The following ZFPM2 variants were observed in gnomAD, a reference collection of about 807,000 sequenced individuals.
The protein encoded by ZFPM2 is zinc finger protein, FOG family member 2.
In ZFPM2, 20 loss-of-function variants were observed where a neutral mutation model predicts 98.6. That is an observed-to-expected ratio of 0.20 (90% confidence interval 0.14 to 0.29). ZFPM2 has a LOEUF of 0.29. Among genes scored for constraint, ZFPM2 ranks in the 10% least tolerant of loss-of-function variants. The probability of loss-of-function intolerance (pLI) is 1.00; values close to 1 mark genes in which losing one functional copy is unlikely to be tolerated. For synonymous variants in ZFPM2, 518 were observed against 502.7 expected (o/e 1.03, Z -0.41); for missense variants, 1,310 against 1,388.6 (o/e 0.94, Z 0.90).
At chr8:105,636,637 G>A (rs140288135) in intron 5 of ZFPM2, among the ~76,000 whole-genome samples, 5 of 152,132 alleles carry the variant, frequency 3.3e-5, no homozygotes, top group East Asian at 1.9e-4. Context: ...TCTATTCCTG[G>A]TCTGGCATGC....
intron 4 of ZFPM2, among the ~76,000 whole-genome samples, chr8:105,613,673 A>C (rs1187928321): frequency 6.6e-6 from 1 of 152,104 alleles, no homozygotes; most frequent in Admixed American, 6.6e-5. Context: ...GGACCCATTC[A>C]CTTTCAGGTT....
At chr8:105,708,768 A>G (rs867782527) in intron 5 of ZFPM2, among the ~76,000 whole-genome samples, 102 of 152,244 alleles carry the variant, frequency 6.7e-4, no homozygotes, top group African/African-American at 2.3e-3. Context: ...AAGAGTTTTT[A>G]TATCCATTTT....
chr8:105,356,004 T>G (rs1812740148), intron 1 of ZFPM2, among the ~76,000 whole-genome samples: 1 of 152,228 alleles, frequency 6.6e-6, no homozygotes, highest in East Asian at 1.9e-4. Flanking sequence ...TTTTCTCTCC[T>G]GTAATCAACA....
intron 5 of ZFPM2, among the ~76,000 whole-genome samples, chr8:105,778,809 T>G (rs1813171448): frequency 6.6e-6 from 1 of 152,156 alleles, no homozygotes; most frequent in Admixed American, 6.5e-5. Context: ...TATGCATAAT[T>G]ACTTTTTCTC....
intron 5 of ZFPM2, among the ~76,000 whole-genome samples, chr8:105,671,408 T>C: frequency 6.6e-6 from 1 of 152,056 alleles, no homozygotes; most frequent in East Asian, 1.9e-4. Flanking sequence ...AATATATCAA[T>C]TTAAACTAAT....
intron 1 of ZFPM2, 88 bp from the exon 2 acceptor site, chr8:105,419,056 C>G (rs1273867736): frequency 7.7e-7 from 1 of 1,294,510 alleles, no homozygotes; most frequent in Non-Finnish European, 1.1e-6. Flanking sequence ...TTTCTCACCA[C>G]TGTAACAAAA....
Position 105,801,358 on chromosome 8 carries a change from G to C in ZFPM2, c.1276G>C (p.Ala426Pro). The C allele has an allele frequency of 6.2e-7, 1 of 1,613,880 alleles. No homozygotes were observed. Residue 426 changes from alanine to proline, a missense_variant, in exon 8 of 8, where the codon GCC (alanine) becomes CCC (proline). By Grantham distance (27) the Ala-to-Pro change is conservative. Transcript: ENST00000407775. ...AAGCGAACTTCCCCAGAGCCAAAAG[G>C]CCATGCAGACTAAAGATGCGAGCTC... is the stretch of plus-strand genomic sequence containing the variant. The part of the protein sequence containing the change: ...TRSELPQSQK[A>P]MQTKDASSDT...
At chr8:105,567,278 G>A (rs998455317) in intron 4 of ZFPM2, among the ~76,000 whole-genome samples, 1 of 152,150 alleles carries the variant, frequency 6.6e-6, no homozygotes, top group Non-Finnish European at 1.5e-5. Context: ...TTCTACCTGA[G>A]CACTTTTTTC....
At chr8:105,580,843 A>G (rs532353185) in intron 4 of ZFPM2, among the ~76,000 whole-genome samples, 1 of 148,584 alleles carries the variant, frequency 6.7e-6, no homozygotes, top group South Asian at 2.1e-4. Flanking sequence ...ATATATATAT[A>G]TAAATCACTG....
intron 3 of ZFPM2, among the ~76,000 whole-genome samples, chr8:105,512,893 T>C (rs1483989428): frequency 6.6e-6 from 1 of 152,168 alleles, no homozygotes. Flanking sequence ...TGTGTGTGTG[T>C]GTGTGCATGT....
At chr8:105,743,212 T>C (rs1182266051) in intron 5 of ZFPM2, among the ~76,000 whole-genome samples, 2 of 151,870 alleles carry the variant, frequency 1.3e-5, no homozygotes, top group African/African-American at 4.8e-5. Context: ...GGAATGGGCA[T>C]AGAGGAAGGT....
intron 4 of ZFPM2, among the ~76,000 whole-genome samples, chr8:105,617,020 GAAAAAAAAAAAAAAAAAAAA>G (rs773023421): frequency 0.022 from 629 of 28,110 alleles, 13 homozygotes; most frequent in African/African-American, 0.085. Context: ...ACTCTGTCTC[GAAAAAAAAAAAAAAAAAAAA>G]AAAAAAAAAA....
At chr8:105,495,278 A>G (rs1334499738) in intron 3 of ZFPM2, among the ~76,000 whole-genome samples, 1 of 152,246 alleles carries the variant, frequency 6.6e-6, no homozygotes, top group African/African-American at 2.4e-5. Context: ...GACAAAATGT[A>G]TAGTCCTTGG....
At chr8:105,465,184 A>C (rs986357171) in intron 3 of ZFPM2, among the ~76,000 whole-genome samples, 1 of 152,008 alleles carries the variant, frequency 6.6e-6, no homozygotes, top group African/African-American at 2.4e-5. Flanking sequence ...AGGAGCAAAA[A>C]ATATCTTGAA....
At chr8:105,457,006 G>T (rs1812606609) in intron 3 of ZFPM2, among the ~76,000 whole-genome samples, 1 of 151,982 alleles carries the variant, frequency 6.6e-6, no homozygotes, top group African/African-American at 2.4e-5. Context: ...AATAACTTTG[G>T]TTTATCAAAT....
At chr8:105,457,670 C>T (rs973746153) in intron 3 of ZFPM2, among the ~76,000 whole-genome samples, 1 of 152,168 alleles carries the variant, frequency 6.6e-6, no homozygotes, top group African/African-American at 2.4e-5. Flanking sequence ...TAAGTTGTTA[C>T]TCATAGATAG....
intron 5 of ZFPM2, among the ~76,000 whole-genome samples, chr8:105,637,911 T>G (rs1468534837): frequency 1.3e-5 from 2 of 152,074 alleles, no homozygotes; most frequent in Non-Finnish European, 2.9e-5. Context: ...CTCTTTTGTT[T>G]TCAAGTGGTG....
chr8:105,489,052 C>T (rs1813295469), intron 3 of ZFPM2, among the ~76,000 whole-genome samples: 1 of 152,116 alleles, frequency 6.6e-6, no homozygotes. Context: ...ATAAGTTAAT[C>T]TGAATTGATG....
At chr8:105,351,653 A>G (rs924182667) in intron 1 of ZFPM2, among the ~76,000 whole-genome samples, 13 of 152,136 alleles carry the variant, frequency 8.5e-5, no homozygotes, top group Non-Finnish European at 2.9e-5. Context: ...CCTCCTTTTA[A>G]TGACTAAATT....
Sources: gnomAD v4.1 joint callset for allele counts (sites outside exome capture counted in the v4.1 genomes callset) on GRCh38, gnomAD v4.1.1 for gene constraint, MANE v1.5 for transcripts, NCBI Gene and HGNC (gene_info 2026-07-23, HGNC 2026-07-21) for gene names.